The following NAALADL2 variants were observed in gnomAD, a reference collection of about 807,000 sequenced individuals.
NAALADL2 encodes the protein N-acetylated alpha-linked acidic dipeptidase like 2, also known as inactive N-acetylated-alpha-linked acidic dipeptidase-like protein 2.
In NAALADL2, 76 loss-of-function variants were observed where a neutral mutation model predicts 87.2. That is an observed-to-expected ratio of 0.87 (90% CI 0.72 to 1.05). The LOEUF (loss-of-function observed/expected upper bound fraction) is 1.05, where lower values mean the gene tolerates loss of function less well. NAALADL2 is among the 50% of genes least tolerant of loss of function. NAALADL2 has a pLI of 0.00. For synonymous variants in NAALADL2, 354 were observed against 331.0 expected, an observed-to-expected ratio of 1.07 and a Z score of -0.75; for missense variants, 1,089 against 945.8, an observed-to-expected ratio of 1.15 and a Z score of -1.99.
intron 3 of NAALADL2, among the ~76,000 whole-genome samples, chr3:174,823,985 T>G (rs1721712235): frequency 6.6e-6 from 1 of 152,198 alleles, no homozygotes; most frequent in Non-Finnish European, 1.5e-5. Context: ...TCTTAGTATC[T>G]TCTATGAGCC....
chr3:175,137,375 C>T (rs937753066), intron 2 of NAALADL2, among the ~76,000 whole-genome samples: 4 of 151,938 alleles, frequency 2.6e-5, no homozygotes, highest in East Asian at 1.9e-4. Flanking sequence ...TTTCTAATTA[C>T]GTTTTTACTT....
intron 3 of NAALADL2, among the ~76,000 whole-genome samples, chr3:174,755,210 G>A (rs898900594): frequency 6.6e-6 from 1 of 152,100 alleles, no homozygotes; most frequent in African/African-American, 2.4e-5. Context: ...TGAAGAAAGT[G>A]CCTGGCTTCC....
chr3:174,558,387 A>G (rs1439497138), intron 2 of NAALADL2, among the ~76,000 whole-genome samples: 1 of 152,118 alleles, frequency 6.6e-6, no homozygotes, highest in African/African-American at 2.4e-5. Flanking sequence ...GTGCATTCCT[A>G]TTATTATTAC....
chr3:175,157,224 A>C (rs1452853666), intron 2 of NAALADL2, among the ~76,000 whole-genome samples: 1 of 152,146 alleles, frequency 6.6e-6, no homozygotes, highest in South Asian at 2.1e-4. Flanking sequence ...TCATGAGGAT[A>C]GGAAAAGATT....
intron 13 of NAALADL2, among the ~76,000 whole-genome samples, chr3:175,787,831 A>C (rs537654894): frequency 6.6e-6 from 1 of 152,360 alleles, no homozygotes; most frequent in African/African-American, 2.4e-5. Context: ...ACAAGAGTCC[A>C]AAAGTTTTAA....
chr3:175,736,510 C>A (rs915851390), intron 11 of NAALADL2, among the ~76,000 whole-genome samples: 1 of 152,088 alleles, frequency 6.6e-6, no homozygotes, highest in Non-Finnish European at 1.5e-5. Context: ...GGAGGCTTTC[C>A]TAAGGAAGCT....
chr3:175,166,317 C>T (rs890273339), intron 2 of NAALADL2, among the ~76,000 whole-genome samples: 5 of 151,950 alleles, frequency 3.3e-5, no homozygotes, highest in Admixed American at 6.6e-5. Context: ...TGATTCTCAC[C>T]TCATTTCCCT....
At chr3:174,593,285 T>A (rs1717567308) in intron 2 of NAALADL2, among the ~76,000 whole-genome samples, 1 of 152,184 alleles carries the variant, frequency 6.6e-6, no homozygotes, top group Non-Finnish European at 1.5e-5. Flanking sequence ...TTGAAATGTA[T>A]AACAGAGTAA....
intron 6 of NAALADL2, among the ~76,000 whole-genome samples, chr3:175,455,823 A>T (rs1463000154): frequency 6.6e-6 from 1 of 152,090 alleles, no homozygotes; most frequent in African/African-American, 2.4e-5. Context: ...TTCTAGTCAC[A>T]GTGAGGATCA....
intron 11 of NAALADL2, 41 bp from the exon 12 acceptor site, chr3:175,737,264 AT>A (rs745825947): frequency 1.0e-5 from 12 of 1,149,248 alleles, no homozygotes; most frequent in Non-Finnish European, 1.6e-5. Flanking sequence ...AAAACTCCTA[AT>A]TACTGAATGC....
intron 2 of NAALADL2, among the ~76,000 whole-genome samples, chr3:174,714,136 C>A (rs1449825765): frequency 6.6e-6 from 1 of 152,066 alleles, no homozygotes; most frequent in Non-Finnish European, 1.5e-5. Flanking sequence ...TTTCTGAGGG[C>A]TCTATTCTGT....
chr3:175,417,516 T>C (rs1025634860), intron 5 of NAALADL2, among the ~76,000 whole-genome samples: 6 of 150,198 alleles, frequency 4.0e-5, no homozygotes, highest in Non-Finnish European at 5.9e-5. Context: ...AGTAGGATAA[T>C]GAGTTTTAAA....
rs549478394 is a variant in NAALADL2, at chr3:175,680,209, G to T, written c.1896+52823G>T. 3.3e-5 allele frequency among the ~76,000 whole-genome samples: 5 copies of T among 152,222 alleles called. No homozygotes were observed. In the East Asian group the frequency reaches 9.7e-4, roughly 29 times the overall value. On this transcript the variant is annotated intron_variant, in intron 11 of 13. Transcript: ENST00000454872. ...TAGTATCTTTAAGATACCTTTCATT[G>T]TTACACATAAAAATATTCCATGGTG...
chr3:174,810,935 C>G (rs1455904182), intron 3 of NAALADL2, among the ~76,000 whole-genome samples: 1 of 152,194 alleles, frequency 6.6e-6, no homozygotes, highest in African/African-American at 2.4e-5. Flanking sequence ...GCCACTGCTC[C>G]CTGCATCCTG....
At chr3:174,742,273 A>T (rs903453164) in intron 3 of NAALADL2, among the ~76,000 whole-genome samples, 5 of 151,830 alleles carry the variant, frequency 3.3e-5, no homozygotes, top group African/African-American at 9.6e-5. Flanking sequence ...TTTCCTCGGG[A>T]TGTTCACTGT....
chr3:175,513,053 C>T (rs1731372148), intron 9 of NAALADL2, among the ~76,000 whole-genome samples: 1 of 152,180 alleles, frequency 6.6e-6, no homozygotes, highest in Non-Finnish European at 1.5e-5. Context: ...ACATGCTGTT[C>T]TGAGCTCAAT....
At chr3:175,200,093 A>G (rs892548885) in intron 2 of NAALADL2, among the ~76,000 whole-genome samples, 23 of 151,272 alleles carry the variant, frequency 1.5e-4, no homozygotes, top group Non-Finnish European at 2.7e-4. Context: ...ACTCTTCCCA[A>G]ATCCTGTCAC....
At chr3:174,880,702 T>C (rs1729086339) in intron 1 of NAALADL2, among the ~76,000 whole-genome samples, 1 of 152,138 alleles carries the variant, frequency 6.6e-6, no homozygotes, top group Admixed American at 6.6e-5. Context: ...CTTCTTTAAG[T>C]CTTTTCTCAA....
At chr3:175,565,337 C>T (rs1716932896) in intron 9 of NAALADL2, among the ~76,000 whole-genome samples, 1 of 152,120 alleles carries the variant, frequency 6.6e-6, no homozygotes, top group East Asian at 1.9e-4. Flanking sequence ...ATAATTGCCT[C>T]CTTGGACTGA....
Sources: gnomAD v4.1 joint callset for allele counts (sites outside exome capture counted in the v4.1 genomes callset) on GRCh38, gnomAD v4.1.1 for gene constraint, MANE v1.5 for transcripts, NCBI Gene and HGNC (gene_info 2026-07-23, HGNC 2026-07-21) for gene names.